The following PCGF6 variants were observed in gnomAD, a reference collection of about 807,000 sequenced individuals.
PCGF6 encodes the protein polycomb group ring finger 6.
A neutral mutation model predicts 45.5 loss-of-function variants in PCGF6; 24 were observed. That is an observed-to-expected ratio of 0.53 (90% confidence interval 0.38 to 0.74). The LOEUF is 0.74. PCGF6 is among the 30% of genes least tolerant of loss of function. The pLI, the probability that PCGF6 is intolerant of heterozygous loss-of-function variation, is 0.00. For synonymous variants in PCGF6, 152 were observed against 162.1 expected (o/e 0.94, Z 0.47); for missense variants, 356 against 443.2 (o/e 0.80, Z 1.77).
intron 9 of PCGF6, among the ~76,000 whole-genome samples, chr10:103,312,141 C>A (rs1242786847): frequency 6.8e-6 from 1 of 147,692 alleles, no homozygotes; most frequent in Middle Eastern, 3.4e-3. Context: ...CGCCTGTAAT[C>A]CCAGCACTTT....
intron 5 of PCGF6, among the ~76,000 whole-genome samples, chr10:103,346,883 T>C (rs1269046935): frequency 6.6e-6 from 1 of 152,244 alleles, no homozygotes; most frequent in Non-Finnish European, 1.5e-5. Flanking sequence ...GTTTGAACAG[T>C]TACTGTGTGC....
intron 1 of PCGF6, among the ~76,000 whole-genome samples, chr10:103,349,222 A>G (rs977819911): frequency 6.0e-5 from 9 of 151,160 alleles, no homozygotes; most frequent in Non-Finnish European, 1.2e-4. Context: ...TAATTTTTGT[A>G]TTTTTAGTAG....
Position 103,345,060 on chromosome 10 carries a change from G to T in PCGF6, c.746C>A (p.Pro249His), listed in dbSNP as rs149394518. The T allele has an allele frequency of 1.2e-6, 2 of 1,612,320 alleles. No homozygotes were observed. The highest frequency in any genetic ancestry group is 1.7e-6 in the Non-Finnish European group (2 of 1,178,962). ...KVLESVFRIP[P>H]ELDMSLLLEF... ...CAGTAATAAAGACATATCAAGTTCA[G>T]GTGGAATACGAAACACTGATTCTAG... is the stretch of plus-strand genomic sequence containing the variant. Residue 249 changes from proline to histidine, a missense_variant, in exon 6 of 10, where the codon CCT (proline) becomes CAT (histidine). Coordinates refer to ENST00000369847, the MANE Select transcript of PCGF6 (RefSeq NM_001011663.2).
At chr10:103,308,916 G>A (rs985588230) in intron 9 of PCGF6, among the ~76,000 whole-genome samples, 11 of 151,978 alleles carry the variant, frequency 7.2e-5, no homozygotes, top group Non-Finnish European at 1.3e-4. Flanking sequence ...ATTAATGGCT[G>A]CTGTTCTGTG....
intron 6 of PCGF6, among the ~76,000 whole-genome samples, chr10:103,335,641 G>A (rs1048690478): frequency 3.3e-5 from 5 of 151,902 alleles, no homozygotes; most frequent in Non-Finnish European, 5.9e-5. Context: ...GATTACAGGA[G>A]TGAGCCACGG....
At chr10:103,316,504 T>C (rs1380299697) in intron 8 of PCGF6, among the ~76,000 whole-genome samples, 1 of 152,170 alleles carries the variant, frequency 6.6e-6, no homozygotes, top group Non-Finnish European at 1.5e-5. Flanking sequence ...ATAGGGAAAC[T>C]AAGAAGTAAA....
At chr10:103,347,592 T>C in intron 3 of PCGF6, 142 bp from the exon 4 acceptor site, 5 of 653,192 alleles carry the variant, frequency 7.7e-6, no homozygotes, top group Non-Finnish European at 1.3e-5. Flanking sequence ...TTACAGTTCC[T>C]AAAATATAAC....
At chr10:103,311,989 G>A (rs1396364825) in intron 9 of PCGF6, among the ~76,000 whole-genome samples, 1 of 151,034 alleles carries the variant, frequency 6.6e-6, no homozygotes, top group Non-Finnish European at 1.5e-5. Flanking sequence ...GGCAGGCTGA[G>A]GTACTAGAAT....
chr10:103,309,954 C>CT (rs775316303), intron 9 of PCGF6, among the ~76,000 whole-genome samples: 2,179 of 141,424 alleles, frequency 0.015, 41 homozygotes, highest in African/African-American at 0.047. Context: ...CCTTGTCTTT[C>CT]TTTTTTTTTT....
At chr10:103,329,349 T>C (rs995658745) in intron 7 of PCGF6, among the ~76,000 whole-genome samples, 5 of 151,928 alleles carry the variant, frequency 3.3e-5, no homozygotes, top group African/African-American at 1.2e-4. Flanking sequence ...CCCAATTTCT[T>C]AAACCTAGTA....
chr10:103,330,102 A>G (rs2093234716), intron 7 of PCGF6, among the ~76,000 whole-genome samples: 1 of 147,058 alleles, frequency 6.8e-6, no homozygotes, highest in Admixed American at 6.8e-5. Context: ...TTTGAGATGA[A>G]GTTTTGCTTT....
At chr10:103,314,144 T>A (rs1487109219) in intron 9 of PCGF6, 42 bp downstream of exon 9, 1 of 1,286,090 alleles carries the variant, frequency 7.8e-7, no homozygotes, top group East Asian at 2.5e-5. Flanking sequence ...TAACTTTCAC[T>A]AAGTAACTTA....
At chr10:103,310,465 A>G (rs2093153269) in intron 9 of PCGF6, among the ~76,000 whole-genome samples, 1 of 152,076 alleles carries the variant, frequency 6.6e-6, no homozygotes, top group Non-Finnish European at 1.5e-5. Flanking sequence ...GCATTTCATT[A>G]TATGTCAATT....
intron 8 of PCGF6, among the ~76,000 whole-genome samples, chr10:103,317,020 TA>T (rs2093178499): frequency 6.6e-6 from 1 of 152,162 alleles, no homozygotes; most frequent in Non-Finnish European, 1.5e-5. Flanking sequence ...TATTTTATTT[TA>T]TTTTTTTAGA....
intron 6 of PCGF6, among the ~76,000 whole-genome samples, chr10:103,343,130 G>A (rs1202641368): frequency 1.3e-5 from 2 of 151,830 alleles, no homozygotes; most frequent in Admixed American, 6.6e-5. Context: ...GGGTTTCACC[G>A]TGTTAGCCAG....
intron 6 of PCGF6, among the ~76,000 whole-genome samples, chr10:103,343,850 A>AAAAAAAAAAAAAT (rs2093290030): frequency 6.7e-6 from 1 of 150,166 alleles, no homozygotes; most frequent in Non-Finnish European, 1.5e-5. Flanking sequence ...AAAAAAAAAA[A>AAAAAAAAAAAAAT]GAAAGGTATC....
chr10:103,321,693 C>CAA (rs879565383), intron 8 of PCGF6, among the ~76,000 whole-genome samples: 1 of 151,876 alleles, frequency 6.6e-6, no homozygotes, highest in Non-Finnish European at 1.5e-5. Context: ...GCCTGGGTGA[C>CAA]AGAGACTCCG....
At chr10:103,335,668 CTT>C (rs1161876252) in intron 6 of PCGF6, among the ~76,000 whole-genome samples, 1 of 150,076 alleles carries the variant, frequency 6.7e-6, no homozygotes, top group Admixed American at 6.6e-5. Context: ...GCAAAGTACT[CTT>C]TGTAAGAAAA....
intron 6 of PCGF6, among the ~76,000 whole-genome samples, chr10:103,341,663 C>T (rs189603807): frequency 2.6e-5 from 4 of 151,472 alleles, no homozygotes; most frequent in South Asian, 4.2e-4. Flanking sequence ...AGGCTGGTCT[C>T]GAACTCTTGA....
Sources: gnomAD v4.1 joint callset for allele counts (sites outside exome capture counted in the v4.1 genomes callset) on GRCh38, gnomAD v4.1.1 for gene constraint, MANE v1.5 for transcripts, NCBI Gene and HGNC (gene_info 2026-07-23, HGNC 2026-07-21) for gene names.